Variants in AMBRA1 observed in about 807,000 individuals in gnomAD.
AMBRA1 encodes activating molecule in BECN1-regulated autophagy protein 1.
Under a neutral mutation model 125.4 loss-of-function variants are expected in AMBRA1, and 47 were observed. The ratio of observed to expected loss-of-function variants is 0.37; its 90% CI spans 0.30 to 0.48. The LOEUF (loss-of-function observed/expected upper bound fraction) is 0.48. AMBRA1 is among the 20% of genes least tolerant of loss of function. The pLI is 0.99. For synonymous variants in AMBRA1, 626 were observed against 655.5 expected (o/e 0.95, Z 0.69); for missense variants, 1,331 against 1,693.4 (o/e 0.79, Z 3.76).
chr11:46,564,825 T>C (rs192778488), intron 1 of AMBRA1, among the ~76,000 whole-genome samples: 1 of 152,348 alleles, frequency 6.6e-6, no homozygotes, highest in African/African-American at 2.4e-5. Flanking sequence ...TATTAATTAG[T>C]ATTTGTAATA....
intron 7 of AMBRA1, among the ~76,000 whole-genome samples, chr11:46,533,458 C>G (rs1952312270): frequency 6.6e-6 from 1 of 152,184 alleles, no homozygotes; most frequent in Non-Finnish European, 1.5e-5. Context: ...CGATAACACG[C>G]CTTCTTGTTT....
At chr11:46,563,341 C>T (rs185428989) in intron 1 of AMBRA1, among the ~76,000 whole-genome samples, 20 of 152,260 alleles carry the variant, frequency 1.3e-4, no homozygotes, top group Non-Finnish European at 2.5e-4. Context: ...CTTCCCATCT[C>T]GGCCTCCCCA....
chr11:46,525,186 A>G (rs949412629), intron 7 of AMBRA1, among the ~76,000 whole-genome samples: 1 of 152,214 alleles, frequency 6.6e-6, no homozygotes, highest in African/African-American at 2.4e-5. Context: ...CTATAGTCTC[A>G]GCTACTTGGG....
chr11:46,563,328 G>C (rs911460112), intron 1 of AMBRA1, among the ~76,000 whole-genome samples: 2 of 152,130 alleles, frequency 1.3e-5, no homozygotes, highest in Non-Finnish European at 2.9e-5. Context: ...AGGAGTAAGT[G>C]ATCTTCCCAT....
chr11:46,454,205 A>G (rs1415317924), intron 11 of AMBRA1, among the ~76,000 whole-genome samples: 1 of 151,786 alleles, frequency 6.6e-6, no homozygotes, highest in African/African-American at 2.4e-5. Flanking sequence ...TTTAATTTTT[A>G]ATTTTTAGAG....
At chr11:46,398,125 C>T (rs1945545570) in intron 17 of AMBRA1, among the ~76,000 whole-genome samples, 182 bp from the exon 18 acceptor site, 1 of 152,240 alleles carries the variant, frequency 6.6e-6, no homozygotes, top group South Asian at 2.1e-4. Flanking sequence ...CCAAAATGTT[C>T]ACAATCCATA....
intron 11 of AMBRA1, among the ~76,000 whole-genome samples, chr11:46,445,225 G>A (rs1948225554): frequency 6.6e-6 from 1 of 152,068 alleles, no homozygotes; most frequent in Non-Finnish European, 1.5e-5. Flanking sequence ...TTCCTCAGGA[G>A]GACAATAATG....
chr11:46,519,187 C>T (rs932532654), intron 7 of AMBRA1, among the ~76,000 whole-genome samples: 1 of 152,134 alleles, frequency 6.6e-6, no homozygotes, highest in Non-Finnish European at 1.5e-5. Context: ...CCAAGCCTGG[C>T]TAATTTTTGT....
rs140835599 is a variant in AMBRA1, at chr11:46,433,510, C to T, written c.2940G>A (p.Arg980=). The change falls in exon 14 of 18, where the codon AGG becomes AGA. Residue 980 remains arginine (R), a synonymous_variant. Coordinates refer to ENST00000683756, the MANE Select transcript of AMBRA1 (RefSeq NM_001387011.1). ...TCTCTCCACCATGGGCCTGTTGCAG[C>T]CTGAAGACCTGGGCCACCATGTGCT... is the stretch of plus-strand genomic sequence containing the variant. The part of the protein sequence containing the change: ...STEHMVAQVF[R]LQQAHGGETS... 1.5e-5 allele frequency: 25 copies of T among 1,614,056 alleles called. No homozygotes were observed. The African/African-American group carries it at 3.2e-4, about 21-fold the overall frequency.
chr11:46,467,309 A>G (rs927176172), intron 11 of AMBRA1, among the ~76,000 whole-genome samples: 16 of 152,120 alleles, frequency 1.1e-4, no homozygotes, highest in African/African-American at 3.9e-4. Context: ...CATCCTTCCA[A>G]AATAGTTACA....
intron 14 of AMBRA1, among the ~76,000 whole-genome samples, chr11:46,424,072 A>G (rs1946997707): frequency 6.6e-6 from 1 of 152,094 alleles, no homozygotes; most frequent in South Asian, 2.1e-4. Flanking sequence ...CAGTGCACCC[A>G]ATTTTTAAAG....
intron 1 of AMBRA1, among the ~76,000 whole-genome samples, chr11:46,553,324 T>C (rs1591106510): frequency 6.6e-6 from 1 of 152,144 alleles, no homozygotes; most frequent in East Asian, 1.9e-4. Flanking sequence ...CACAAAAGGC[T>C]GCAATCTAAA....
intron 1 of AMBRA1, among the ~76,000 whole-genome samples, chr11:46,551,830 C>A (rs759912205): frequency 2.0e-4 from 30 of 151,964 alleles, no homozygotes; most frequent in Non-Finnish European, 4.0e-4. Flanking sequence ...GAGTTCGAGA[C>A]CAGCCTGGTC....
rs1004176761 is a variant in AMBRA1 at position 46,547,547 on chromosome 11, A to T, written c.195-251T>A. On this transcript the variant is annotated intron_variant, in intron 3 of 17. Transcript: ENST00000683756. ...ATTTTTTCCCACTGGAAAAACCATC[A>T]TACCACTGGTGAGCTGTATCACACA... 5 of 565,354 alleles carry T rather than the reference A, an allele frequency of 8.8e-6. No homozygotes were observed. The African/African-American group carries it at 9.3e-5, about 11-fold the overall frequency. 35.0% of individuals were successfully genotyped at this position (565,354 alleles called of 1,614,324 possible).
At chr11:46,429,256 C>T (rs1248025940) in intron 14 of AMBRA1, 9 of 927,514 alleles carry the variant, frequency 9.7e-6, no homozygotes, top group African/African-American at 1.6e-5. Flanking sequence ...CAGCCCCTAT[C>T]GCTACTCAGA....
chr11:46,553,046 G>A (rs1415467124), intron 1 of AMBRA1, among the ~76,000 whole-genome samples: 1 of 151,846 alleles, frequency 6.6e-6, no homozygotes, highest in African/African-American at 2.4e-5. Flanking sequence ...CCTGGGTTCA[G>A]GTAATTCTGT....
chr11:46,542,989 A>G lies in AMBRA1; in HGVS notation c.1028T>C (p.Phe343Ser). The change falls in exon 7 of 18, where the codon TTT becomes TCT. Residue 343 changes from phenylalanine (F) to serine (S), a missense_variant. Around this residue, in one of 4 missense-constraint regions of AMBRA1, gnomAD observed 689 missense variants for 776.5 expected, o/e 0.89. Transcript: ENST00000683756. This position sits in a 1 kb window ranked among gnomAD's most constrained non-coding sequence, Gnocchi z 5.9. Reference protein sequence around the residue: ...SARATTPSFSFVQTEPFHPPE... With the variant: ...SARATTPSFSSVQTEPFHPPE... ...GGGATGGAAGGGCTCGGTCTGTACA[A>G]AAGAAAAGGAAGGGGTAGTAGCTCT... 6.2e-7 allele frequency: 1 copy of G among 1,601,672 alleles called. No homozygotes were observed. Among genetic ancestry groups the G allele is most frequent in the Non-Finnish European group, 8.5e-7 (1 of 1,179,924 alleles).
chr11:46,583,593 A>T (rs1346068878), intron 1 of AMBRA1, among the ~76,000 whole-genome samples: 4 of 125,202 alleles, frequency 3.2e-5, no homozygotes, highest in African/African-American at 1.2e-4. Context: ...AATTTTCACA[A>T]CCTACTCATC....
At chr11:46,566,341 C>G in intron 1 of AMBRA1, among the ~76,000 whole-genome samples, 1 of 151,890 alleles carries the variant, frequency 6.6e-6, no homozygotes, top group East Asian at 1.9e-4. Context: ...TCGCTTGAAC[C>G]CAGGAGGCAG....
Sources: gnomAD v4.1 joint callset for allele counts (sites outside exome capture counted in the v4.1 genomes callset) on GRCh38, gnomAD v4.1.1 for gene constraint, gnomAD v4.1.1 regional missense constraint, Gnocchi (gnomAD v3.1) non-coding constraint, MANE v1.5 for transcripts, NCBI Gene and HGNC (gene_info 2026-07-23, HGNC 2026-07-21) for gene names.